The following MEOX2 variants were observed in gnomAD, a reference collection of about 807,000 sequenced individuals.
MEOX2 encodes the protein homeobox protein MOX-2.
Under a neutral mutation model 27.0 loss-of-function variants are expected in MEOX2, and 11 were observed. That is an observed-to-expected ratio of 0.41 (90% CI 0.26 to 0.68). The LOEUF is 0.68. MEOX2 is among the 30% of genes least tolerant of loss of function. The probability of loss-of-function intolerance (pLI) is 0.33; values close to 1 mark genes in which losing one functional copy is unlikely to be tolerated. For synonymous variants in MEOX2, 189 were observed against 155.4 expected, an observed-to-expected ratio of 1.22 and a Z score of -1.61; for missense variants, 436 against 385.4, an observed-to-expected ratio of 1.13 and a Z score of -1.10.
chr7:15,618,887 C>T (rs1265874325), intron 2 of MEOX2, among the ~76,000 whole-genome samples: 2 of 151,722 alleles, frequency 1.3e-5, no homozygotes, highest in Non-Finnish European at 2.9e-5. Flanking sequence ...ATTTTAATAA[C>T]TTCAAAACCG....
intron 1 of MEOX2, among the ~76,000 whole-genome samples, chr7:15,685,555 G>A (rs1355054971): frequency 6.6e-6 from 1 of 152,268 alleles, no homozygotes; most frequent in African/African-American, 2.4e-5. Flanking sequence ...CTGGGCGCAC[G>A]CCCCTCCCTC....
At chr7:15,630,122 A>G (rs1781379046) in intron 1 of MEOX2, among the ~76,000 whole-genome samples, 1 of 152,028 alleles carries the variant, frequency 6.6e-6, no homozygotes, top group Non-Finnish European at 1.5e-5. Context: ...ACTTTAATGC[A>G]CCTGTGGGTC....
At position 15,686,198 on chromosome 7, in the gene MEOX2, G is replaced by T. The variant is rs138679259; in HGVS notation, c.205C>A (p.His69Asn). 2.5e-6 allele frequency: 4 copies of T among 1,586,774 alleles called. No homozygotes were observed. The highest frequency in any genetic ancestry group is 2.6e-6 in the Non-Finnish European group (3 of 1,159,594). The change falls in exon 1 of 3, where the codon CAC becomes AAC. Residue 69 changes from histidine (H) to asparagine (N), a missense_variant. Transcript: ENST00000262041. ...TGGTGGTGGTGGTGGTGGTGGTGGT[G>T]GTGCCCCCTGTGATGCTGGCTGGCA... ...MFASQHHRGHHHHHHHHHHHH... is the reference protein window; with the variant it reads ...MFASQHHRGHNHHHHHHHHHH...
At chr7:15,665,891 G>C (rs1375772636) in intron 1 of MEOX2, among the ~76,000 whole-genome samples, 1 of 152,034 alleles carries the variant, frequency 6.6e-6, no homozygotes, top group African/African-American at 2.4e-5. Flanking sequence ...GCAGATTATA[G>C]AAGATACTCA....
chr7:15,649,181 G>T (rs1373975926), intron 1 of MEOX2, among the ~76,000 whole-genome samples: 2 of 151,926 alleles, frequency 1.3e-5, no homozygotes, highest in African/African-American at 2.4e-5. Context: ...TTTTTAAATT[G>T]TTAACTACCA....
chr7:15,621,174 A>G (rs1448726239), intron 2 of MEOX2, among the ~76,000 whole-genome samples: 5 of 152,198 alleles, frequency 3.3e-5, no homozygotes, highest in Non-Finnish European at 5.9e-5. Flanking sequence ...GAAGATTATT[A>G]TCTGTTGATC....
chr7:15,615,866 T>G (rs1321388673), intron 2 of MEOX2, among the ~76,000 whole-genome samples: 1 of 152,000 alleles, frequency 6.6e-6, no homozygotes, highest in Admixed American at 6.6e-5. Context: ...AGGAGAAATA[T>G]ACTTTTAAAA....
chr7:15,626,322 G>T (rs767633512), intron 2 of MEOX2, among the ~76,000 whole-genome samples: 2 of 152,060 alleles, frequency 1.3e-5, no homozygotes, highest in Non-Finnish European at 2.9e-5. Flanking sequence ...ATGCCATTGA[G>T]ATTTGAGGGT....
chr7:15,641,528 T>C (rs1459214124), intron 1 of MEOX2, among the ~76,000 whole-genome samples: 1 of 152,134 alleles, frequency 6.6e-6, no homozygotes, highest in African/African-American at 2.4e-5. Context: ...GTGGGTCCCA[T>C]GAAGGCAGTA....
intron 1 of MEOX2, among the ~76,000 whole-genome samples, chr7:15,660,832 G>A (rs1377235529): frequency 6.6e-6 from 1 of 151,792 alleles, no homozygotes; most frequent in Non-Finnish European, 1.5e-5. Context: ...GACCAACCTG[G>A]CCAACATGGT....
At chr7:15,646,846 T>A in intron 1 of MEOX2, among the ~76,000 whole-genome samples, 1 of 151,968 alleles carries the variant, frequency 6.6e-6, no homozygotes, top group East Asian at 1.9e-4. Context: ...TTTTAATTAA[T>A]GTTTTCTATT....
chr7:15,663,357 G>T (rs1781946150), intron 1 of MEOX2, among the ~76,000 whole-genome samples: 1 of 150,650 alleles, frequency 6.6e-6, no homozygotes, highest in Non-Finnish European at 1.5e-5. Flanking sequence ...TTTTGAGACG[G>T]AGTCTCACTC....
chr7:15,679,783 G>A (rs1403199260), intron 1 of MEOX2: 3 of 151,772 alleles, frequency 2.0e-5, no homozygotes, highest in Non-Finnish European at 4.4e-5. Context: ...GATAAAACAA[G>A]GGATTATTTT....
At chr7:15,622,797 C>T (rs1332402906) in intron 2 of MEOX2, among the ~76,000 whole-genome samples, 1 of 152,140 alleles carries the variant, frequency 6.6e-6, no homozygotes, top group Non-Finnish European at 1.5e-5. Flanking sequence ...AATCCTAACC[C>T]TCAAGGTGAC....
chr7:15,686,494 T>A lies in MEOX2; in HGVS notation c.-92A>T. On this transcript the variant is annotated 5_prime_UTR_variant, in exon 1 of 3. Transcript: ENST00000262041. Reference sequence around the variant, plus strand: ...ACTTTTTCACTGGAAACCGTGTGATTTTTTTTTTAACCTCCCAAAGCAATA... The same window carrying A: ...ACTTTTTCACTGGAAACCGTGTGATATTTTTTTTAACCTCCCAAAGCAATA... 1 of 1,204,042 alleles carries A rather than the reference T, an allele frequency of 8.3e-7. No homozygotes were observed. Among genetic ancestry groups the A allele is most frequent in the Non-Finnish European group, 1.1e-6 (1 of 872,378 alleles). 74.6% of individuals were successfully genotyped at this position (1,204,042 alleles called of 1,614,324 possible).
At chr7:15,648,959 A>T (rs1260019134) in intron 1 of MEOX2, among the ~76,000 whole-genome samples, 1 of 152,062 alleles carries the variant, frequency 6.6e-6, no homozygotes, top group African/African-American at 2.4e-5. Flanking sequence ...GCTGATTTAC[A>T]TGAAATTAAG....
chr7:15,667,024 G>A (rs1358222296), intron 1 of MEOX2, among the ~76,000 whole-genome samples: 1 of 150,532 alleles, frequency 6.6e-6, no homozygotes, highest in Non-Finnish European at 1.5e-5. Context: ...GGGTGCAGTG[G>A]CTCACACCTG....
chr7:15,626,835 C>T lies in MEOX2; in HGVS notation c.601G>A (p.Glu201Lys). ...TGATGGGCAAATTCTGCTTCAAGTT[C>T]TCTGATTTGCTCTTTGGTAAATGCT... ...RTAFTKEQIR[E>K]LEAEFAHHNY... The change falls in exon 2 of 3, where the codon GAA (glutamate) becomes AAA (lysine). Residue 201 changes from glutamate to lysine, a missense_variant. Transcript: ENST00000262041. 1 of 1,611,196 alleles carries T rather than the reference C, an allele frequency of 6.2e-7. No homozygotes were observed. The highest frequency in any genetic ancestry group is 8.5e-7 in the Non-Finnish European group (1 of 1,179,084).
rs1203699389 is a variant in MEOX2 at position 15,685,874 on chromosome 7, G to A, written c.517+12C>T. On this transcript the variant is annotated intron_variant, in intron 1 of 2. Coordinates refer to ENST00000262041, the MANE Select transcript of MEOX2 (RefSeq NM_005924.5). The stretch of plus-strand genomic sequence containing the variant: ...CGGCGCGCACTCTCGAGGGTGCCTG[G>A]CGCGCCCTTACCTGAGCTGTCGCTT... 1.3e-6 allele frequency: 2 copies of A among 1,574,668 alleles called. No individual in the cohort carries two copies. The highest frequency in any genetic ancestry group is 1.8e-5 in the Admixed American group (1 of 56,070).
Sources: allele counts gnomAD v4.1 joint callset (sites outside exome capture counted in the v4.1 genomes callset), GRCh38; gene constraint gnomAD v4.1.1; transcripts MANE v1.5; gene names NCBI Gene and HGNC (gene_info 2026-07-23, HGNC 2026-07-21).